The following RALGPS1 variants were observed in gnomAD, a reference collection of about 807,000 sequenced individuals.
The protein encoded by RALGPS1 is ras-specific guanine nucleotide-releasing factor RalGPS1.
RALGPS1 carries 19 observed loss-of-function variants against 78.8 expected under a neutral mutation model. That is an observed-to-expected ratio of 0.24 (90% CI 0.17 to 0.35). The LOEUF is 0.35. Ranked by LOEUF, RALGPS1 falls within the 10% of genes least tolerant of loss-of-function variation. The pLI, the probability that RALGPS1 is intolerant of heterozygous loss-of-function variation, is 1.00. For missense variants in RALGPS1, 454 were observed against 688.3 expected, an observed-to-expected ratio of 0.66 and a Z score of 3.81; for synonymous variants, 228 against 256.3, an observed-to-expected ratio of 0.89 and a Z score of 1.06.
intron 8 of RALGPS1, among the ~76,000 whole-genome samples, chr9:127,145,783 C>T (rs954115248): frequency 2.6e-5 from 4 of 152,242 alleles, no homozygotes; most frequent in African/African-American, 9.6e-5. Context: ...CTAGCCCTGC[C>T]ACTTACCAGG....
intron 8 of RALGPS1, among the ~76,000 whole-genome samples, chr9:127,110,020 C>T (rs1322835700): frequency 1.3e-5 from 2 of 152,214 alleles, no homozygotes; most frequent in African/African-American, 2.4e-5. Flanking sequence ...TATAATCATA[C>T]GGTTTTTTCT....
At chr9:127,147,029 A>G (rs1260043939) in intron 8 of RALGPS1, among the ~76,000 whole-genome samples, 1 of 152,092 alleles carries the variant, frequency 6.6e-6, no homozygotes, top group African/African-American at 2.4e-5. Context: ...CTGCAGCCTG[A>G]CCAGCATCTG....
chr9:127,199,213 G>A (rs1187502004), intron 14 of RALGPS1, 147 bp downstream of exon 14: 3 of 785,242 alleles, frequency 3.8e-6, no homozygotes, highest in East Asian at 4.9e-5. Flanking sequence ...GCTGGGGCAG[G>A]GCTGAGTAGG....
intron 4 of RALGPS1, among the ~76,000 whole-genome samples, chr9:127,024,791 C>G (rs559388428): frequency 1.3e-5 from 2 of 152,174 alleles, no homozygotes; most frequent in South Asian, 4.2e-4. Flanking sequence ...CAGAGGCTTC[C>G]CTTCAGCAGC....
chr9:127,146,762 T>G (rs1358303244), intron 8 of RALGPS1, among the ~76,000 whole-genome samples: 1 of 152,208 alleles, frequency 6.6e-6, no homozygotes, highest in Non-Finnish European at 1.5e-5. Flanking sequence ...CAGGCTGGTC[T>G]CAAACTCCTG....
chr9:127,161,038 A>G (rs1246677962), intron 8 of RALGPS1, among the ~76,000 whole-genome samples: 1 of 152,246 alleles, frequency 6.6e-6, no homozygotes, highest in African/African-American at 2.4e-5. Context: ...GCCAGGGCCA[A>G]TGGCTGATCC....
chr9:126,960,472 G>C (rs1316362051), intron 1 of RALGPS1, among the ~76,000 whole-genome samples: 1 of 151,890 alleles, frequency 6.6e-6, no homozygotes, highest in Admixed American at 6.6e-5. Flanking sequence ...GACTTCAAGT[G>C]ATCTGCCCAC....
intron 1 of RALGPS1, among the ~76,000 whole-genome samples, chr9:126,943,179 G>A (rs955618740): frequency 6.6e-6 from 1 of 151,990 alleles, no homozygotes; most frequent in Non-Finnish European, 1.5e-5. Flanking sequence ...TACTCACTCT[G>A]TTGCCCAGGC....
Position 127,008,127 on chromosome 9 carries a change from T to G in RALGPS1, c.217-26304T>G, listed in dbSNP as rs567274508. Among the ~76,000 whole-genome samples, 8 of 133,742 alleles carry G rather than the reference T, an allele frequency of 6.0e-5. No homozygotes were observed. The East Asian group carries it at 1.6e-3, about 27-fold the overall frequency. 87.7% of individuals were successfully genotyped at this position (133,742 alleles called of 152,430 possible). A position where few individuals can be genotyped will look rare whatever the true frequency, so the allele number is the denominator to read the frequency against. ...TCTCCCAAGTTTCTGGTCTGGTCAATTGGGAGACTGGTCAAAAAAAAAAAA... is the reference window on the plus strand; with the variant it reads ...TCTCCCAAGTTTCTGGTCTGGTCAAGTGGGAGACTGGTCAAAAAAAAAAAA... On this transcript the variant is annotated intron_variant, in intron 4 of 18. Transcript: ENST00000259351.
chr9:127,125,412 C>T (rs750594745), intron 8 of RALGPS1, among the ~76,000 whole-genome samples: 1 of 152,172 alleles, frequency 6.6e-6, no homozygotes, highest in Non-Finnish European at 1.5e-5. Flanking sequence ...GCTCAAATCC[C>T]AGCTCTCTCA....
intron 1 of RALGPS1, among the ~76,000 whole-genome samples, chr9:126,953,950 A>G (rs1410259836): frequency 2.0e-5 from 3 of 152,120 alleles, no homozygotes; most frequent in African/African-American, 7.2e-5. Flanking sequence ...GACACCTGCC[A>G]CTCATGCCCC....
At chr9:127,158,743 T>C (rs2058843744) in intron 8 of RALGPS1, among the ~76,000 whole-genome samples, 1 of 152,174 alleles carries the variant, frequency 6.6e-6, no homozygotes. Flanking sequence ...ATTATTAATA[T>C]AAGCATTTGA....
At chr9:127,005,829 T>C (rs2133762770) in intron 4 of RALGPS1, among the ~76,000 whole-genome samples, 1 of 152,308 alleles carries the variant, frequency 6.6e-6, no homozygotes, top group Middle Eastern at 3.4e-3. Flanking sequence ...TGCTGAAAAG[T>C]GGGCATTTTT....
intron 4 of RALGPS1, among the ~76,000 whole-genome samples, chr9:127,021,331 G>A (rs1345320879): frequency 4.6e-5 from 7 of 151,826 alleles, no homozygotes; most frequent in Non-Finnish European, 8.8e-5. Flanking sequence ...GTGAAACCCC[G>A]TCTCTACTAA....
chr9:126,966,000 C>A, intron 3 of RALGPS1, 49 bp downstream of exon 3: 2 of 1,369,878 alleles, frequency 1.5e-6, no homozygotes, highest in Non-Finnish European at 2.1e-6. Flanking sequence ...CAGCAGGGCA[C>A]TAGAGGGAGC....
chr9:127,100,279 G>A (rs1180151089), intron 8 of RALGPS1, among the ~76,000 whole-genome samples: 1 of 152,158 alleles, frequency 6.6e-6, no homozygotes, highest in African/African-American at 2.4e-5. Flanking sequence ...GTGTGAGGTA[G>A]GTCATTTCAA....
chr9:127,055,749 TC>T (rs1472199025), intron 7 of RALGPS1, among the ~76,000 whole-genome samples: 1 of 152,222 alleles, frequency 6.6e-6, no homozygotes, highest in Non-Finnish European at 1.5e-5. Context: ...TCCAGCTTAC[TC>T]CCTGTCAGCC....
chr9:126,958,872 C>T (rs917806641), intron 1 of RALGPS1, among the ~76,000 whole-genome samples: 3 of 152,154 alleles, frequency 2.0e-5, no homozygotes, highest in African/African-American at 7.2e-5. Flanking sequence ...GCCATTCTGC[C>T]TTCCCACCAG....
chr9:126,969,884 TG>T lies in RALGPS1; in HGVS notation c.165+3935del, dbSNP rs1473470490. ...TTTTGAGAATGCAGTGCTAAAACTTTGGCTGTCCCTGCTGGAGCTAGTATGT... is the reference window on the plus strand; with the variant it reads ...TTTTGAGAATGCAGTGCTAAAACTTTGCTGTCCCTGCTGGAGCTAGTATGT... On this transcript the variant is annotated intron_variant, in intron 3 of 18. Coordinates refer to ENST00000259351, the MANE Select transcript of RALGPS1 (RefSeq NM_014636.3). Among the ~76,000 whole-genome samples, 6 of 152,300 alleles carry T rather than the reference TG, an allele frequency of 3.9e-5. No homozygotes were observed. The East Asian group carries it at 9.6e-4, about 24-fold the overall frequency.
Sources: gnomAD v4.1 joint callset for allele counts (sites outside exome capture counted in the v4.1 genomes callset) on GRCh38, gnomAD v4.1.1 for gene constraint, MANE v1.5 for transcripts, NCBI Gene and HGNC (gene_info 2026-07-23, HGNC 2026-07-21) for gene names.